The following ATP10A variants were observed in gnomAD, a reference collection of about 807,000 sequenced individuals.
ATP10A encodes phospholipid-transporting ATPase VA.
In ATP10A, 111 loss-of-function variants were observed where a neutral mutation model predicts 147.8. The ratio of observed to expected loss-of-function variants is 0.75; its 90% confidence interval spans 0.64 to 0.88. The LOEUF is 0.88. Ranked by LOEUF, ATP10A falls within the 40% of genes least tolerant of loss-of-function variation. ATP10A has a pLI of 0.00. For synonymous variants in ATP10A, 875 were observed against 841.6 expected (o/e 1.04, Z -0.69); for missense variants, 1,927 against 1,959.0 (o/e 0.98, Z 0.31).
At chr15:25,722,753 C>T (rs569779532) in intron 6 of ATP10A, among the ~76,000 whole-genome samples, 1 of 152,238 alleles carries the variant, frequency 6.6e-6, no homozygotes, top group Non-Finnish European at 1.5e-5. Context: ...AGGTTCCCTC[C>T]TAGGCAAAGG....
rs759917912 is a variant in ATP10A at position 25,736,128 on chromosome 15, T to C, written c.668A>G (p.Asn223Ser). 8.1e-6 allele frequency: 13 copies of C among 1,612,936 alleles called. No homozygotes were observed. The highest frequency in any genetic ancestry group is 5.0e-5 in the Admixed American group (3 of 60,012). ...RGFSELVSEFNPLTFTSVIEC... is the reference protein window; with the variant it reads ...RGFSELVSEFSPLTFTSVIEC... ...GATCACGCTGGTGAACGTCAAAGGA[T>C]TGAATTCGGAGACCTAAAATAACAG... The change falls in exon 3 of 21, where the codon AAT becomes AGT. Residue 223 changes from asparagine (N) to serine (S), a missense_variant. By Grantham distance (46) the Asn-to-Ser change is conservative. Transcript: ENST00000555815.
chr15:25,748,080 A>G (rs956850492), intron 2 of ATP10A, among the ~76,000 whole-genome samples: 1 of 151,794 alleles, frequency 6.6e-6, no homozygotes, highest in Non-Finnish European at 1.5e-5. Flanking sequence ...CTCCTGCCTC[A>G]GCCTCCCGAG....
intron 10 of ATP10A, among the ~76,000 whole-genome samples, chr15:25,712,313 T>A (rs1427224622): frequency 1.3e-5 from 2 of 152,208 alleles, no homozygotes; most frequent in East Asian, 3.9e-4. Context: ...AAAAAATATG[T>A]TGCCAGCAAA....
At position 25,680,868 on chromosome 15, in the gene ATP10A, A is replaced by T; in HGVS notation, c.3620T>A (p.Ile1207Asn). Residue 1207 changes from isoleucine to asparagine, a missense_variant, in exon 19 of 21, where the codon ATT becomes AAT. Coordinates refer to ENST00000555815, the MANE Select transcript of ATP10A (RefSeq NM_024490.4). ...NVDLFTWGTP[I>N]VTIALLTFLL... ...GAAAGTGAGCAGCGCGATTGTCACA[A>T]TAGGGGTCCCCCAGGTAAACAGGTC... The T allele has an allele frequency of 6.2e-7, 1 of 1,614,126 alleles. No homozygotes were observed. The highest frequency in any genetic ancestry group is 8.5e-7 in the Non-Finnish European group (1 of 1,180,036).
Position 25,863,113 on chromosome 15 carries a change from GC to G in ATP10A, c.-18del, listed in dbSNP as rs1265223693. ...CCGCTCCATGGCCGCGTGTCGCCGC[GC>G]CCGGCTCCTCCGCCGCTCACGCCCG... is the stretch of plus-strand genomic sequence containing the variant. On this transcript the variant is annotated 5_prime_UTR_variant, in exon 1 of 21. Transcript: ENST00000555815. The G allele has an allele frequency of 4.0e-5, 46 of 1,163,382 alleles. No individual in the cohort carries two copies. The highest frequency in any genetic ancestry group is 4.7e-5 in the Admixed American group (1 of 21,230). 72.1% of individuals were successfully genotyped at this position (1,163,382 alleles called of 1,614,324 possible). A position where few individuals can be genotyped will look rare whatever the true frequency, so the allele number is the denominator to read the frequency against.
chr15:25,796,399 T>C (rs370417757), intron 1 of ATP10A, among the ~76,000 whole-genome samples: 9 of 13,344 alleles, frequency 6.7e-4, no homozygotes, highest in African/African-American at 1.2e-3. Flanking sequence ...AGCGAGACCC[T>C]GTCTCAAAAA....
chr15:25,864,968 G>A (rs1217386373), upstream of ATP10A: 1 of 152,436 alleles, frequency 6.6e-6, no homozygotes, highest in Non-Finnish European at 1.5e-5. Context: ...GCTTCAGCCA[G>A]TCCACACTGT....
chr15:25,721,376 G>A (rs1370603012), intron 7 of ATP10A, among the ~76,000 whole-genome samples: 1 of 152,200 alleles, frequency 6.6e-6, no homozygotes, highest in African/African-American at 2.4e-5. Flanking sequence ...CTCCTTGCGG[G>A]TGGCTTGCCT....
chr15:25,732,743 G>C (rs1031924205), intron 3 of ATP10A, among the ~76,000 whole-genome samples: 6 of 151,734 alleles, frequency 4.0e-5, no homozygotes, highest in African/African-American at 1.5e-4. Flanking sequence ...GTTTAGTAGA[G>C]ACGGGGTTTC....
intron 1 of ATP10A, among the ~76,000 whole-genome samples, chr15:25,836,455 C>T (rs1333661529): frequency 1.3e-5 from 2 of 152,306 alleles, no homozygotes; most frequent in South Asian, 2.1e-4. Context: ...GCAACACTGG[C>T]TGCAAAATGA....
chr15:25,740,826 G>T (rs1010014037), intron 2 of ATP10A, among the ~76,000 whole-genome samples: 4 of 152,194 alleles, frequency 2.6e-5, no homozygotes, highest in African/African-American at 9.6e-5. Flanking sequence ...CTGCCCTACA[G>T]AATGCAATCC....
At chr15:25,703,792 G>A (rs1900810975) in intron 12 of ATP10A, among the ~76,000 whole-genome samples, 1 of 152,206 alleles carries the variant, frequency 6.6e-6, no homozygotes, top group South Asian at 2.1e-4. Flanking sequence ...GGGGCAAGTG[G>A]CTGATCTGCT....
At chr15:25,799,583 T>C (rs578101045) in intron 1 of ATP10A, among the ~76,000 whole-genome samples, 12 of 152,152 alleles carry the variant, frequency 7.9e-5, no homozygotes, top group South Asian at 4.2e-4. Flanking sequence ...AGAAATAAAA[T>C]TCAAGACAGG....
Position 25,680,890 on chromosome 15 carries a change from G to A in ATP10A, c.3598C>T (p.Leu1200=), listed in dbSNP as rs1899369588. Residue 1200 remains leucine, a synonymous_variant, in exon 19 of 21, where the codon CTG becomes TTG. Coordinates refer to ENST00000555815, the MANE Select transcript of ATP10A (RefSeq NM_024490.4). ...YLAYYDSNVD[L]FTWGTPIVTI... is the part of the protein sequence containing the mutation. ...ACAATAGGGGTCCCCCAGGTAAACA[G>A]GTCCACGTTCGAGTCATAGTAGGCC... The A allele has an allele frequency of 6.2e-7, 1 of 1,614,120 alleles. No individual in the cohort carries two copies. The highest frequency in any genetic ancestry group is 1.3e-5 in the African/African-American group (1 of 75,020).
Position 25,680,809 on chromosome 15 carries a change from C to T in ATP10A, c.3678+1G>A. ...GACGTGGCCATGCAGGCGGCTCTTA[C>T]CCAGGTTTTGGTTTCAATGCCCAGG... On this transcript the variant is annotated splice_donor_variant, in intron 19 of 20. Coordinates refer to ENST00000555815, the MANE Select transcript of ATP10A (RefSeq NM_024490.4). LOFTEE classifies it high-confidence loss of function. The T allele has an allele frequency of 1.2e-6, 2 of 1,612,588 alleles. No homozygotes were observed. The highest frequency in any genetic ancestry group is 8.5e-7 in the Non-Finnish European group (1 of 1,179,586).
intron 1 of ATP10A, among the ~76,000 whole-genome samples, chr15:25,792,364 C>T (rs1227691085): frequency 6.6e-6 from 1 of 152,190 alleles, no homozygotes; most frequent in African/African-American, 2.4e-5. Flanking sequence ...TCCTGCTCTG[C>T]TCTCTGCAAA....
Position 25,862,843 on chromosome 15 carries a change from C to A in ATP10A, c.254G>T (p.Arg85Leu), listed in dbSNP as rs1420906335. ...GAAGACAAAGTACACGTTGGCCGGGCGGTGGAACTGCTCGAACAGGTTCTT... is the reference window on the plus strand; with the variant it reads ...GAAGACAAAGTACACGTTGGCCGGGAGGTGGAACTGCTCGAACAGGTTCTT... Reference protein sequence around the residue: ...LPKNLFEQFHRPANVYFVFIA... With the variant: ...LPKNLFEQFHLPANVYFVFIA... The change falls in exon 1 of 21, where the codon CGC becomes CTC. Residue 85 changes from arginine (R) to leucine (L), a missense_variant. By Grantham distance (102) the Arg-to-Leu change is moderately radical (BLOSUM62 -2). Transcript: ENST00000555815. 1.2e-6 allele frequency: 2 copies of A among 1,609,880 alleles called. No homozygotes were observed. Among genetic ancestry groups the A allele is most frequent in the East Asian group, 2.2e-5 (1 of 44,684 alleles).
chr15:25,698,579 G>A (rs1425258729), intron 13 of ATP10A, among the ~76,000 whole-genome samples: 1 of 152,160 alleles, frequency 6.6e-6, no homozygotes, highest in African/African-American at 2.4e-5. Context: ...AGAGTCAAAA[G>A]TTATATGTGG....
chr15:25,831,170 G>A (rs1186955799), intron 1 of ATP10A, among the ~76,000 whole-genome samples: 1 of 152,204 alleles, frequency 6.6e-6, no homozygotes, highest in Non-Finnish European at 1.5e-5. Context: ...TGGATGTCTA[G>A]GACCGCTGCC....
Sources: gnomAD v4.1 joint callset for allele counts (sites outside exome capture counted in the v4.1 genomes callset) on GRCh38, gnomAD v4.1.1 for gene constraint, MANE v1.5 for transcripts, NCBI Gene and HGNC (gene_info 2026-07-23, HGNC 2026-07-21) for gene names.